Variants in USP38 observed in about 807,000 individuals in gnomAD.
USP38 encodes the protein ubiquitin carboxyl-terminal hydrolase 38.
USP38 carries 49 observed loss-of-function variants against 94.3 expected under a neutral mutation model. The observed-to-expected ratio is 0.52, with a 90% CI of 0.41 to 0.66. The LOEUF is 0.66. Ranked by LOEUF, USP38 falls within the 30% of genes least tolerant of loss-of-function variation. USP38 has a pLI of 0.00. For missense variants in USP38, 1,128 were observed against 1,229.4 expected, an observed-to-expected ratio of 0.92 and a Z score of 1.23; for synonymous variants, 468 against 463.6, an observed-to-expected ratio of 1.01 and a Z score of -0.12.
chr4:143,187,840 C>G lies in USP38; in HGVS notation c.697C>G (p.Pro233Ala). The G allele has an allele frequency of 6.2e-7, 1 of 1,609,584 alleles. No homozygotes were observed. The highest frequency in any genetic ancestry group is 8.5e-7 in the Non-Finnish European group (1 of 1,178,330). ...SISSTDASFE[P>A]SVALASLVQH... is the part of the protein sequence containing the mutation. ...TGAAAAAACAGATGCATCATTTGAA[C>G]CTTCTGTAGCATTGGCAAGCCTTGT... The change falls in exon 2 of 10, where the codon CCT becomes GCT. Residue 233 changes from proline to alanine, a missense_variant. Physicochemically the swap from Pro to Ala is conservative, Grantham distance 27 (BLOSUM62 -1). Coordinates refer to ENST00000307017, the MANE Select transcript of USP38 (RefSeq NM_032557.6).
chr4:143,210,227 A>G (rs1295809876), intron 7 of USP38, among the ~76,000 whole-genome samples: 1 of 152,208 alleles, frequency 6.6e-6, no homozygotes, highest in African/African-American at 2.4e-5. Flanking sequence ...AGGTGGTCAT[A>G]TATAGTAAAT....
intron 4 of USP38, among the ~76,000 whole-genome samples, chr4:143,198,841 A>G (rs911464949): frequency 6.6e-6 from 1 of 152,154 alleles, no homozygotes; most frequent in Admixed American, 6.6e-5. Context: ...AACCTTATAT[A>G]TATGTATAAT....
In USP38 at chr4:143,187,860, C is replaced by G; in HGVS notation, c.717C>G (p.Ser239Arg). The G allele has an allele frequency of 6.2e-7, 1 of 1,613,218 alleles. No homozygotes were observed. Among genetic ancestry groups the G allele is most frequent in the Non-Finnish European group, 8.5e-7 (1 of 1,179,566 alleles). ...ASFEPSVALA[S>R]LVQHIPLQMI... ...TTGAACCTTCTGTAGCATTGGCAAG[C>G]CTTGTGCAGCATATTCCTCTTCAGA... Residue 239 changes from serine to arginine, a missense_variant, in exon 2 of 10, where the codon AGC becomes AGG. Ser to Arg is a moderately radical substitution (Grantham distance 110). Coordinates refer to ENST00000307017, the MANE Select transcript of USP38 (RefSeq NM_032557.6).
chr4:143,200,865 A>G (rs1352642939), intron 4 of USP38, among the ~76,000 whole-genome samples: 1 of 152,214 alleles, frequency 6.6e-6, no homozygotes, highest in African/African-American at 2.4e-5. Context: ...ACAGTGCTCA[A>G]AGAAATCAAG....
At position 143,208,932 on chromosome 4, in the gene USP38, T is replaced by C. The variant is rs537339388; in HGVS notation, c.1404-632T>C. Among the ~76,000 whole-genome samples the C allele has an allele frequency of 3.9e-5, 6 of 152,002 alleles. No individual in the cohort carries two copies. In the East Asian group the frequency reaches 7.7e-4, roughly 20 times the overall value. On this transcript the variant is annotated intron_variant, in intron 6 of 9. Transcript: ENST00000307017. The stretch of plus-strand genomic sequence containing the variant: ...GTATCTGTATTGGTGTATAATCTTA[T>C]GTAACTTCATTTTTTACCGGATGGA...
At chr4:143,208,029 A>G (rs1191410158) in intron 6 of USP38, among the ~76,000 whole-genome samples, 1 of 152,184 alleles carries the variant, frequency 6.6e-6, no homozygotes, top group Non-Finnish European at 1.5e-5. Flanking sequence ...TTTTTGGTAC[A>G]GTTGCATGTT....
At position 143,220,319 on chromosome 4, in the gene USP38, C is replaced by G; in HGVS notation, c.2992C>G (p.Arg998Gly). 1 of 1,611,986 alleles carries G rather than the reference C, an allele frequency of 6.2e-7. No individual in the cohort carries two copies. The highest frequency in any genetic ancestry group is 1.3e-5 in the African/African-American group (1 of 74,816). The change falls in exon 10 of 10, where the codon CGG (arginine) becomes GGG (glycine). Residue 998 changes from arginine (R) to glycine (G), a missense_variant. By Grantham distance (125) the Arg-to-Gly change is moderately radical (BLOSUM62 -2). Coordinates refer to ENST00000307017, the MANE Select transcript of USP38 (RefSeq NM_032557.6). ...GGAACAAGAGTTGAATGCTCGAGCC[C>G]GGGCCCTCCAAGCTGCATCTGCTTC... is the stretch of plus-strand genomic sequence containing the variant. Reference protein sequence around the residue: ...LQEQELNARARALQAASASCS... With the variant: ...LQEQELNARAGALQAASASCS...
In USP38 at chr4:143,213,678, A is replaced by G; in HGVS notation, c.1702A>G (p.Lys568Glu). The change falls in exon 9 of 10, where the codon AAA becomes GAA. Residue 568 changes from lysine (K) to glutamate (E), a missense_variant. Coordinates refer to ENST00000307017, the MANE Select transcript of USP38 (RefSeq NM_032557.6). Reference sequence around the variant, plus strand: ...AACTTCTTTACAGGAAGTAGCTAGTAAAGCAGCAGTACTAACAGAGACCCC... The same window carrying G: ...AACTTCTTTACAGGAAGTAGCTAGTGAAGCAGCAGTACTAACAGAGACCCC... ...SETSLQEVAS[K>E]AAVLTETPRT... 1 of 1,613,660 alleles carries G rather than the reference A, an allele frequency of 6.2e-7. No homozygotes were observed.
Position 143,185,725 on chromosome 4 carries a change from G to T in USP38, c.275G>T (p.Gly92Val). The change falls in exon 1 of 10, where the codon GGC becomes GTC. Residue 92 changes from glycine to valine, a missense_variant. Coordinates refer to ENST00000307017, the MANE Select transcript of USP38 (RefSeq NM_032557.6). ...KTFVLGLLHQ[G>V]YHSLDRKDVA... Reference sequence around the variant, plus strand: ...TTCGTGTTGGGCCTCCTTCATCAGGGCTACCACTCTCTGGACAGGAAGGAT... The same window carrying T: ...TTCGTGTTGGGCCTCCTTCATCAGGTCTACCACTCTCTGGACAGGAAGGAT... The T allele has an allele frequency of 6.2e-7, 1 of 1,614,160 alleles. No homozygotes were observed. The highest frequency in any genetic ancestry group is 8.5e-7 in the Non-Finnish European group (1 of 1,180,034).
chr4:143,215,725 A>G (rs1311878503), intron 9 of USP38: 1 of 152,122 alleles, frequency 6.6e-6, no homozygotes, highest in African/African-American at 2.4e-5. Context: ...TCTGTGTTTG[A>G]AAGTCACTCC....
At chr4:143,196,978 A>AT (rs1186372818) in intron 3 of USP38, among the ~76,000 whole-genome samples, 3 of 152,216 alleles carry the variant, frequency 2.0e-5, no homozygotes, top group African/African-American at 7.2e-5. Context: ...CTGGTCCTAC[A>AT]TTATCATCCC....
At chr4:143,202,646 A>G (rs1731749771) in intron 4 of USP38, among the ~76,000 whole-genome samples, 1 of 152,090 alleles carries the variant, frequency 6.6e-6, no homozygotes, top group Admixed American at 6.5e-5. Context: ...TGGATTGATG[A>G]CTTTTTAGTT....
rs781275112 is a variant in USP38 at position 143,185,910 on chromosome 4, T to G, written c.460T>G (p.Phe154Val). 8.1e-6 allele frequency: 13 copies of G among 1,614,060 alleles called. No individual in the cohort carries two copies. Among genetic ancestry groups the G allele is most frequent in the Non-Finnish European group, 1.1e-5 (13 of 1,180,030 alleles). The change falls in exon 1 of 10, where the codon TTT (phenylalanine) becomes GTT (valine). Residue 154 changes from phenylalanine (F) to valine (V), a missense_variant. Coordinates refer to ENST00000307017, the MANE Select transcript of USP38 (RefSeq NM_032557.6). ...CCGACTGAGCGACCTTCTGACCGAC[T>G]TTGTGCAATGCATCCCCAAGGGGAA... ...CARLSDLLTD[F>V]VQCIPKGKLS...
At position 143,185,775 on chromosome 4, in the gene USP38, A is replaced by C. The variant is rs1374825113; in HGVS notation, c.325A>C (p.Asn109His). The change falls in exon 1 of 10, where the codon AAC becomes CAC. Residue 109 changes from asparagine to histidine, a missense_variant. Asn to His is a moderately conservative substitution (Grantham distance 68). Coordinates refer to ENST00000307017, the MANE Select transcript of USP38 (RefSeq NM_032557.6). Reference sequence around the variant, plus strand: ...TGTAGCCATCCTGGACTACATTCACAACGGCCTGAAGCTGATTATGAGCTG... The same window carrying C: ...TGTAGCCATCCTGGACTACATTCACCACGGCCTGAAGCTGATTATGAGCTG... ...KDVAILDYIHNGLKLIMSCPS... is the reference protein window; with the variant it reads ...KDVAILDYIHHGLKLIMSCPS... 6.2e-7 allele frequency: 1 copy of C among 1,614,032 alleles called. No homozygotes were observed. The highest frequency in any genetic ancestry group is 8.5e-7 in the Non-Finnish European group (1 of 1,180,032).
At position 143,185,353 on chromosome 4, in the gene USP38, C is replaced by T; in HGVS notation, c.-98C>T. The stretch of plus-strand genomic sequence containing the variant: ...GGCCCGTCGCGCTGCTGCTGCGGCG[C>T]TCCAAGTTCATCTCCGCCCCGGGGC... On this transcript the variant is annotated 5_prime_UTR_variant, in exon 1 of 10. Transcript: ENST00000307017. The T allele has an allele frequency of 3.7e-6, 5 of 1,364,656 alleles. No homozygotes were observed. The highest frequency in any genetic ancestry group is 2.9e-6 in the Non-Finnish European group (3 of 1,020,590). 84.5% of individuals were successfully genotyped at this position (1,364,656 alleles called of 1,614,324 possible).
At chr4:143,199,491 G>T (rs1169947355) in intron 4 of USP38, among the ~76,000 whole-genome samples, 1 of 152,016 alleles carries the variant, frequency 6.6e-6, no homozygotes, top group East Asian at 1.9e-4. Context: ...ATTCCTCTTG[G>T]TGTATACCCC....
rs771678855 is a variant in USP38, at chr4:143,220,447, C to T, written c.3120C>T (p.Leu1040=). ...GGGGFNTVGR[L]VF ...GAGGATTTAATACAGTTGGCAGACT[C>T]GTATTTTGATCCTGAGAGAGTCCAA... Residue 1040 remains leucine, a synonymous_variant, in exon 10 of 10, where the codon CTC becomes CTT. Transcript: ENST00000307017. 6.8e-6 allele frequency: 11 copies of T among 1,611,056 alleles called. No individual in the cohort carries two copies. Among genetic ancestry groups the T allele is most frequent in the African/African-American group, 5.4e-5 (4 of 74,668 alleles).
chr4:143,185,274 C>A lies in USP38; in HGVS notation c.-177C>A. On this transcript the variant is annotated 5_prime_UTR_variant, in exon 1 of 10. Transcript: ENST00000307017. ...CCAGGCTCGCTAGCTCCCGCCCCGG[C>A]TTGGATGGGTCTCCCTGCGCCATAA... The A allele has an allele frequency of 1.4e-6, 1 of 702,170 alleles. No homozygotes were observed. The highest frequency in any genetic ancestry group is 2.3e-6 in the Non-Finnish European group (1 of 436,146). 43.5% of individuals were successfully genotyped at this position (702,170 alleles called of 1,614,324 possible). A position where few individuals can be genotyped will look rare whatever the true frequency, so the allele number is the denominator to read the frequency against.
Position 143,197,824 on chromosome 4 carries a change from T to G in USP38, c.950T>G (p.Val317Gly). 6.2e-7 allele frequency: 1 copy of G among 1,610,310 alleles called. No homozygotes were observed. The highest frequency in any genetic ancestry group is 1.1e-5 in the South Asian group (1 of 90,342). ...AAGGTGTCTTGTCTTATTTTGAAGG[T>G]TTTTAATCGACTTTGGTTTCCTCTT... ...IDVTLLKIEL[V>G]FNRLWFPLVR... The change falls in exon 4 of 10, where the codon GTT becomes GGT. Residue 317 changes from valine to glycine, a missense_variant and splice_region_variant. Transcript: ENST00000307017.
Sources: gnomAD v4.1 joint callset for allele counts (sites outside exome capture counted in the v4.1 genomes callset) on GRCh38, gnomAD v4.1.1 for gene constraint, MANE v1.5 for transcripts, NCBI Gene and HGNC (gene_info 2026-07-23, HGNC 2026-07-21) for gene names.